GFI1B: variants seen among roughly 807,000 people sequenced by gnomAD.
GFI1B encodes the protein growth factor independent 1B transcriptional repressor.
GFI1B carries 20 observed loss-of-function variants against 35.3 expected under a neutral mutation model. The ratio of observed to expected loss-of-function variants is 0.57; its 90% CI spans 0.40 to 0.82. The LOEUF (loss-of-function observed/expected upper bound fraction) is 0.82, where lower values mean the gene tolerates loss of function less well. Ranked by LOEUF, GFI1B falls within the 40% of genes least tolerant of loss-of-function variation. The pLI is 0.00. For missense variants in GFI1B, 430 were observed against 446.3 expected (o/e 0.96, Z 0.33); for synonymous variants, 178 against 177.6 (o/e 1.00, Z -0.02).
At chr9:132,971,902 A>G (rs1471170005) in intron 1 of GFI1B, among the ~76,000 whole-genome samples, 1 of 150,282 alleles carries the variant, frequency 6.7e-6, no homozygotes, top group Non-Finnish European at 1.5e-5. Flanking sequence ...TGAACCAGGG[A>G]GGCAGAGGTT....
intron 6 of GFI1B, among the ~76,000 whole-genome samples, chr9:132,990,183 TCA>T (rs1849240998): frequency 6.6e-6 from 1 of 152,218 alleles, no homozygotes; most frequent in South Asian, 2.1e-4. Context: ...ACTCATTCAC[TCA>T]CTCACTTGCT....
chr9:132,983,070 A>G (rs558718028), intron 1 of GFI1B, among the ~76,000 whole-genome samples: 22 of 152,090 alleles, frequency 1.4e-4, no homozygotes, highest in Middle Eastern at 3.4e-3. Flanking sequence ...GAGAATACCA[A>G]TGCTTCCTGA....
At chr9:132,977,494 G>A (rs1037556838), upstream of GFI1B, among the ~76,000 whole-genome samples, 6 of 152,156 alleles carry the variant, frequency 3.9e-5, no homozygotes, top group African/African-American at 1.4e-4. Context: ...TTAAATTGGG[G>A]CTTCCTGTCA....
intron 1 of GFI1B, among the ~76,000 whole-genome samples, chr9:132,967,123 C>T (rs1193190752): frequency 6.6e-6 from 1 of 152,084 alleles, no homozygotes; most frequent in Non-Finnish European, 1.5e-5. Flanking sequence ...AAGTTCAGCC[C>T]CCACCTGTAC....
chr9:132,969,865 A>C (rs1194925410), intron 1 of GFI1B, among the ~76,000 whole-genome samples: 3 of 152,190 alleles, frequency 2.0e-5, no homozygotes, highest in Non-Finnish European at 4.4e-5. Flanking sequence ...GGGTTTTGCT[A>C]AAAAGCAGCA....
At chr9:132,947,377 T>C (rs1319540090) in intron 1 of GFI1B, 1 of 141,132 alleles carries the variant, frequency 7.1e-6, no homozygotes, top group Non-Finnish European at 1.5e-5. Flanking sequence ...AAAAGAAAGC[T>C]TAAGACAAGT....
At position 132,984,403 on chromosome 9, in the gene GFI1B, C is replaced by T. The variant is rs541661689; in HGVS notation, c.-20-2256C>T. Among the ~76,000 whole-genome samples, 52 of 152,226 alleles carry T rather than the reference C, an allele frequency of 3.4e-4. No homozygotes were observed. In the South Asian group the frequency reaches 4.6e-3, roughly 13 times the overall value. ...ATAAGGCCGTGGGCTGCCCCCGGCC[C>T]GAGCCTGTGTTCAGAGAGCCGAGAA... On this transcript the variant is annotated intron_variant, in intron 1 of 6. Transcript: ENST00000372122.
chr9:132,956,579 T>A (rs553826229), intron 1 of GFI1B, among the ~76,000 whole-genome samples: 1 of 152,344 alleles, frequency 6.6e-6, no homozygotes, highest in South Asian at 2.1e-4. Flanking sequence ...AAGTGCACCC[T>A]TTAAAATGTA....
intron 2 of GFI1B, 137 bp downstream of exon 2, chr9:132,986,915 G>A (rs1455000642): frequency 3.0e-6 from 2 of 668,548 alleles, no homozygotes; most frequent in East Asian, 5.4e-5. Flanking sequence ...ACTGTGGGTT[G>A]CAGATGAAAG....
chr9:132,946,872 A>G (rs941862802), intron 1 of GFI1B: 10 of 152,340 alleles, frequency 6.6e-5, no homozygotes, highest in African/African-American at 2.4e-4. Flanking sequence ...CCACATTGTC[A>G]CTGTTTCTAC....
Position 132,989,266 on chromosome 9 carries a change from G to A in GFI1B, c.648+68G>A, listed in dbSNP as rs1849199666. ...CTCTGTGCTTCCCCAGGGAGCCTGG[G>A]GGCTGTGGCTGGGTCCCTCCCCCTG... On this transcript the variant is annotated intron_variant, in intron 5 of 6. Coordinates refer to ENST00000372122, the MANE Select transcript of GFI1B (RefSeq NM_001377304.1). The surrounding 1 kb of genome is among the most constrained non-coding windows in gnomAD (Gnocchi z 6.2). 6.6e-7 allele frequency: 1 copy of A among 1,513,058 alleles called. No individual in the cohort carries two copies. Among genetic ancestry groups the A allele is most frequent in the South Asian group, 1.1e-5 (1 of 89,044 alleles). 93.7% of individuals were successfully genotyped at this position (1,513,058 alleles called of 1,614,324 possible).
At chr9:132,974,797 T>C (rs1848597169), upstream of GFI1B, among the ~76,000 whole-genome samples, 1 of 142,608 alleles carries the variant, frequency 7.0e-6, no homozygotes. Context: ...GAGACAGGCT[T>C]GGGGAAATCA....
chr9:132,970,238 G>T (rs546794518), intron 1 of GFI1B, among the ~76,000 whole-genome samples: 1 of 152,166 alleles, frequency 6.6e-6, no homozygotes, highest in African/African-American at 2.4e-5. Flanking sequence ...CAAGCCCTGG[G>T]TCCAAGCCTC....
In GFI1B at chr9:132,989,237, C is replaced by T. The variant is rs1384999963; in HGVS notation, c.648+39C>T. The T allele has an allele frequency of 5.0e-6, 8 of 1,592,350 alleles. No homozygotes were observed. In the African/African-American group the frequency reaches 1.1e-4, roughly 21 times the overall value. ...CCAGCGCAGGACTCCCAGCCCCACTCCTTCTCTGTGCTTCCCCAGGGAGCC... is the reference window on the plus strand; with the variant it reads ...CCAGCGCAGGACTCCCAGCCCCACTTCTTCTCTGTGCTTCCCCAGGGAGCC... On this transcript the variant is annotated intron_variant, in intron 5 of 6. Transcript: ENST00000372122. The surrounding 1 kb of genome is among the most constrained non-coding windows in gnomAD (Gnocchi z 6.2).
intron 1 of GFI1B, among the ~76,000 whole-genome samples, chr9:132,985,388 G>A (rs914111831): frequency 6.6e-6 from 1 of 152,174 alleles, no homozygotes; most frequent in East Asian, 1.9e-4. Flanking sequence ...TGGTGGGGTT[G>A]GTAGTGATGC....
At chr9:132,988,555 C>T in intron 4 of GFI1B, 87 bp downstream of exon 4, 1 of 1,245,046 alleles carries the variant, frequency 8.0e-7, no homozygotes, top group East Asian at 2.4e-5. Context: ...GTTCTCTGTG[C>T]TGTGAATGTT....
chr9:132,955,808 A>ATGTGTGTGTGTGTGTG (rs3049917), intron 1 of GFI1B, among the ~76,000 whole-genome samples: 2 of 146,550 alleles, frequency 1.4e-5, no homozygotes, highest in African/African-American at 5.1e-5. Flanking sequence ...GTGTGTGTGC[A>ATGTGTGTGTGTGTGTG]TGTGTGTGTG....
intron 1 of GFI1B, among the ~76,000 whole-genome samples, chr9:132,956,282 C>T (rs1588407606): frequency 6.6e-6 from 1 of 151,858 alleles, no homozygotes; most frequent in African/African-American, 2.4e-5. Flanking sequence ...ATACCCTTTT[C>T]CTCCACCTCC....
At chr9:132,949,268 T>TAC (rs36015720) in intron 1 of GFI1B, among the ~76,000 whole-genome samples, 11,509 of 137,568 alleles carry the variant, frequency 0.084, 751 homozygotes, top group African/African-American at 0.18. Context: ...AACCCACAGA[T>TAC]ACACACACAC....
Sources: allele counts gnomAD v4.1 joint callset (sites outside exome capture counted in the v4.1 genomes callset), GRCh38; gene constraint gnomAD v4.1.1; non-coding constraint Gnocchi (gnomAD v3.1); transcripts MANE v1.5; gene names NCBI Gene and HGNC (gene_info 2026-07-23, HGNC 2026-07-21).